Variants in DOCK2 observed in about 807,000 individuals in gnomAD.
DOCK2 encodes the protein dedicator of cytokinesis 2, also known as dedicator of cytokinesis protein 2.
Under a neutral mutation model 248.9 loss-of-function variants are expected in DOCK2, and 87 were observed. The observed-to-expected ratio is 0.35, with a 90% confidence interval of 0.29 to 0.42. DOCK2 has a LOEUF of 0.42. DOCK2 is among the 10% of genes least tolerant of loss of function. The pLI, the probability that DOCK2 is intolerant of heterozygous loss-of-function variation, is 1.00. For missense variants in DOCK2, 1,747 were observed against 2,300.2 expected, an observed-to-expected ratio of 0.76 and a Z score of 4.92; for synonymous variants, 805 against 821.6, an observed-to-expected ratio of 0.98 and a Z score of 0.35.
At chr5:169,953,347 A>G (rs1410544315) in intron 27 of DOCK2, among the ~76,000 whole-genome samples, 29 of 151,078 alleles carry the variant, frequency 1.9e-4, no homozygotes, top group East Asian at 7.8e-4. Flanking sequence ...AAAAAAAAAA[A>G]AGAGAGAGAG....
At position 169,913,670 on chromosome 5, in the gene DOCK2, T is replaced by C. The variant is rs145990105; in HGVS notation, c.2800-69398T>C. ...TTATGAGCAGAGCTATTTCACACTT[T>C]GTTGTGAAATTCAGTGGAGAAAGTG... On this transcript the variant is annotated intron_variant, in intron 27 of 51. Transcript: ENST00000520908. Among the ~76,000 whole-genome samples the C allele has an allele frequency of 1.6e-3, 237 of 152,224 alleles. 1 individual carries two copies. Among genetic ancestry groups the C allele is most frequent in the African/African-American group, 5.5e-3 (227 of 41,516 alleles).
At chr5:169,728,582 G>A (rs766378617) in intron 22 of DOCK2, among the ~76,000 whole-genome samples, 5 of 152,160 alleles carry the variant, frequency 3.3e-5, no homozygotes, top group African/African-American at 4.8e-5. Context: ...AAACTGATTA[G>A]AGGCATGATA....
At chr5:169,709,532 C>G (rs1379138173) in intron 15 of DOCK2, among the ~76,000 whole-genome samples, 1 of 152,078 alleles carries the variant, frequency 6.6e-6, no homozygotes, top group South Asian at 2.1e-4. Context: ...GAAACTCTGT[C>G]TCTACTAAAA....
rs9885452 is a variant in DOCK2 at position 170,080,063 on chromosome 5, A to G, written c.5167-100A>G. 0.41 allele frequency: 644,029 copies of G among 1,556,802 alleles called. 137,612 individuals are homozygous for G. The highest frequency in any genetic ancestry group is 0.66 in the African/African-American group (48,622 of 73,498). On this transcript the variant is annotated intron_variant, in intron 49 of 51. Transcript: ENST00000520908. ...ACTTGGAGCCAGCTTCATAGAAACC[A>G]TGCCACGCCCTCCTCACTGATCTTT...
intron 27 of DOCK2, among the ~76,000 whole-genome samples, chr5:169,880,099 A>G (rs1447533557): frequency 6.6e-6 from 1 of 152,224 alleles, no homozygotes; most frequent in African/African-American, 2.4e-5. Flanking sequence ...AAAGAGAGCA[A>G]TTGATGAAAC....
intron 45 of DOCK2, 71 bp from the exon 46 acceptor site, chr5:170,069,066 C>G (rs1757591290): frequency 1.4e-6 from 2 of 1,390,194 alleles, no homozygotes; most frequent in Admixed American, 3.7e-5. Flanking sequence ...AATCTTCTCC[C>G]AGTGCCAAAG....
chr5:169,654,696 C>T (rs997045199), intron 2 of DOCK2, among the ~76,000 whole-genome samples: 2 of 152,170 alleles, frequency 1.3e-5, no homozygotes, highest in Non-Finnish European at 2.9e-5. Context: ...CTGGGTGGTT[C>T]GATGTTTGTT....
intron 27 of DOCK2, among the ~76,000 whole-genome samples, chr5:169,980,937 C>T (rs112174378): frequency 1.6e-4 from 24 of 152,264 alleles, no homozygotes; most frequent in Middle Eastern, 3.4e-3. Flanking sequence ...TTGTGATCTC[C>T]GCCGGATTTG....
rs377105142 is a variant in DOCK2 at position 169,693,790 on chromosome 5, A to G, written c.844-2013A>G. Among the ~76,000 whole-genome samples, 8 of 152,294 alleles carry G rather than the reference A, an allele frequency of 5.3e-5. No individual in the cohort carries two copies. In the East Asian group the frequency reaches 1.2e-3, roughly 22 times the overall value. Reference sequence around the variant, plus strand: ...AATATAAGTTTGCGATCCTAAAGGCAGGCTGGCAGGCTGGAAACTCAGGCA... The same window carrying G: ...AATATAAGTTTGCGATCCTAAAGGCGGGCTGGCAGGCTGGAAACTCAGGCA... On this transcript the variant is annotated intron_variant, in intron 9 of 51. Transcript: ENST00000520908.
intron 22 of DOCK2, among the ~76,000 whole-genome samples, chr5:169,737,760 T>G (rs1230618892): frequency 6.6e-6 from 1 of 152,162 alleles, no homozygotes; most frequent in Non-Finnish European, 1.5e-5. Context: ...TCCTGGAAGG[T>G]GGCATTCCTG....
chr5:169,869,372 T>G (rs1036612985), intron 27 of DOCK2, among the ~76,000 whole-genome samples: 6 of 152,272 alleles, frequency 3.9e-5, no homozygotes, highest in Non-Finnish European at 7.3e-5. Flanking sequence ...AACTTTCTTT[T>G]CAAGGCCAGG....
chr5:169,854,636 C>A (rs905816649), intron 27 of DOCK2, among the ~76,000 whole-genome samples: 3 of 152,184 alleles, frequency 2.0e-5, no homozygotes, highest in Non-Finnish European at 4.4e-5. Context: ...AAGTCAGGAC[C>A]CCCAGCCTGT....
In DOCK2 at chr5:169,926,478, T is replaced by C. The variant is rs147993082; in HGVS notation, c.2800-56590T>C. On this transcript the variant is annotated intron_variant, in intron 27 of 51. Coordinates refer to ENST00000520908, the MANE Select transcript of DOCK2 (RefSeq NM_004946.3). The stretch of plus-strand genomic sequence containing the variant: ...TGGTCTGCATTGATCTTCTGTGAGC[T>C]CAGGTGGCCATGTTCAAAGAAAGCT... Among the ~76,000 whole-genome samples, 12 of 152,290 alleles carry C rather than the reference T, an allele frequency of 7.9e-5. No individual in the cohort carries two copies. The East Asian group carries it at 2.3e-3, about 29-fold the overall frequency.
chr5:170,055,991 C>G (rs974023584), intron 42 of DOCK2, among the ~76,000 whole-genome samples: 1 of 152,220 alleles, frequency 6.6e-6, no homozygotes, highest in Non-Finnish European at 1.5e-5. Flanking sequence ...TTCCCCCTAC[C>G]CCATGCCCAG....
intron 25 of DOCK2, among the ~76,000 whole-genome samples, chr5:169,779,086 T>C (rs916260457): frequency 2.6e-5 from 4 of 152,118 alleles, no homozygotes; most frequent in Non-Finnish European, 5.9e-5. Flanking sequence ...AATTTTGCTG[T>C]GAACCTAAAG....
chr5:170,076,337 T>C (rs1757839194), intron 47 of DOCK2, among the ~76,000 whole-genome samples: 2 of 152,194 alleles, frequency 1.3e-5, no homozygotes, highest in Admixed American at 1.3e-4. Context: ...TGTGTAATAA[T>C]AATGAAAGCT....
At chr5:169,991,495 T>C (rs1014051754) in intron 29 of DOCK2, among the ~76,000 whole-genome samples, 2 of 152,248 alleles carry the variant, frequency 1.3e-5, no homozygotes, top group African/African-American at 2.4e-5. Flanking sequence ...TTCTCCCTCC[T>C]TGTGGGCTAT....
intron 38 of DOCK2, among the ~76,000 whole-genome samples, chr5:170,043,636 G>A (rs768147528): frequency 2.1e-4 from 32 of 152,346 alleles, no homozygotes; most frequent in South Asian, 8.3e-4. Flanking sequence ...CAAGGCTCAA[G>A]CAGTTGGAGA....
At chr5:169,728,714 C>T (rs1762615030) in intron 22 of DOCK2, among the ~76,000 whole-genome samples, 1 of 152,178 alleles carries the variant, frequency 6.6e-6, no homozygotes, top group African/African-American at 2.4e-5. Flanking sequence ...ATTTGATTTC[C>T]TCTTATCTGT....
Sources: gnomAD v4.1 joint callset for allele counts (sites outside exome capture counted in the v4.1 genomes callset) on GRCh38, gnomAD v4.1.1 for gene constraint, MANE v1.5 for transcripts, NCBI Gene and HGNC (gene_info 2026-07-23, HGNC 2026-07-21) for gene names.